The following CNTN5 variants were observed in gnomAD, a reference collection of about 807,000 sequenced individuals.
The protein encoded by CNTN5 is contactin-5.
Under a neutral mutation model 129.1 loss-of-function variants are expected in CNTN5, and 77 were observed. The observed-to-expected ratio is 0.60, with a 90% CI of 0.50 to 0.72. CNTN5 has a LOEUF of 0.72. Ranked by LOEUF, CNTN5 falls within the 30% of genes least tolerant of loss-of-function variation. The probability of loss-of-function intolerance (pLI) is 0.00; values close to 1 mark genes in which losing one functional copy is unlikely to be tolerated. For missense variants in CNTN5, 1,478 were observed against 1,328.8 expected (o/e 1.11, Z -1.75); for synonymous variants, 509 against 465.6 (o/e 1.09, Z -1.20).
At chr11:100,221,692 C>G (rs1949269281) in intron 15 of CNTN5, among the ~76,000 whole-genome samples, 1 of 152,044 alleles carries the variant, frequency 6.6e-6, no homozygotes, top group South Asian at 2.1e-4. Context: ...TAAGCTCCCA[C>G]TATGTGGCAG....
intron 1 of CNTN5, among the ~76,000 whole-genome samples, chr11:99,262,289 C>T (rs1367878782): frequency 2.6e-5 from 4 of 151,994 alleles, no homozygotes; most frequent in Admixed American, 2.6e-4. Flanking sequence ...ATGAATAAAA[C>T]AATCTATTTG....
chr11:99,976,483 G>C (rs552612254), intron 8 of CNTN5, among the ~76,000 whole-genome samples: 108 of 152,248 alleles, frequency 7.1e-4, no homozygotes, highest in African/African-American at 2.5e-3. Flanking sequence ...ACATCTGCTT[G>C]GACTTCCAGG....
intron 2 of CNTN5, among the ~76,000 whole-genome samples, chr11:99,387,582 C>G (rs955748648): frequency 2.6e-5 from 4 of 152,128 alleles, no homozygotes; most frequent in African/African-American, 4.8e-5. Flanking sequence ...AACCTGACAC[C>G]TAGTAATCAT....
At chr11:99,763,228 A>G (rs1944647289) in intron 3 of CNTN5, among the ~76,000 whole-genome samples, 1 of 152,166 alleles carries the variant, frequency 6.6e-6, no homozygotes, top group African/African-American at 2.4e-5. Flanking sequence ...TATAGAATAT[A>G]ATGATACACA....
At chr11:100,060,170 C>A (rs1943403922) in intron 9 of CNTN5, among the ~76,000 whole-genome samples, 1 of 150,152 alleles carries the variant, frequency 6.7e-6, no homozygotes, top group African/African-American at 2.5e-5. Flanking sequence ...CGTGCCACTG[C>A]ACTCGAGCCT....
Position 99,697,716 on chromosome 11 carries a change from C to CA in CNTN5, c.56-121825dup, listed in dbSNP as rs551604850. ...ATCAATATAGATTCACTAAGTTTTA[C>CA]AAATATACCTTAATATAAGGTATCG... On this transcript the variant is annotated intron_variant, in intron 3 of 24. Transcript: ENST00000524871. Among the ~76,000 whole-genome samples, 439 of 151,696 alleles carry CA rather than the reference C, an allele frequency of 2.9e-3. 1 individual carries two copies. The highest frequency in any genetic ancestry group is 0.024 in the Middle Eastern group (7 of 294).
intron 3 of CNTN5, among the ~76,000 whole-genome samples, chr11:99,786,869 A>T (rs1033904385): frequency 6.6e-6 from 1 of 152,200 alleles, no homozygotes; most frequent in African/African-American, 2.4e-5. Context: ...TGGATTAGAG[A>T]TTTAAACGTA....
intron 13 of CNTN5, among the ~76,000 whole-genome samples, chr11:100,181,810 G>A (rs544810004): frequency 9.2e-5 from 14 of 152,028 alleles, no homozygotes; most frequent in African/African-American, 3.4e-4. Flanking sequence ...TTAAAAAGAT[G>A]TCTAAGATCT....
At chr11:100,270,661 G>T (rs1950391949) in intron 17 of CNTN5, among the ~76,000 whole-genome samples, 1 of 152,194 alleles carries the variant, frequency 6.6e-6, no homozygotes, top group Admixed American at 6.5e-5. Context: ...AAATTAGAGA[G>T]ATATATTCTT....
In CNTN5 at chr11:99,304,378, A is replaced by G. The variant is rs559250361; in HGVS notation, c.-209-20968A>G. ...TAGTACACTTTGTGTAAGGAAAATA[A>G]TCTGATTAAAATCATTCACATATAA... On this transcript the variant is annotated intron_variant, in intron 1 of 24. Coordinates refer to ENST00000524871, the MANE Select transcript of CNTN5 (RefSeq NM_014361.4). 9.8e-5 allele frequency among the ~76,000 whole-genome samples: 15 copies of G among 152,304 alleles called. No homozygotes were observed. The South Asian group carries it at 2.3e-3, about 23-fold the overall frequency.
intron 6 of CNTN5, among the ~76,000 whole-genome samples, chr11:99,853,903 C>T (rs1359170557): frequency 6.6e-6 from 1 of 152,086 alleles, no homozygotes; most frequent in Non-Finnish European, 1.5e-5. Flanking sequence ...AGTAATAAAA[C>T]AGTAGCTCCA....
At chr11:99,058,274 T>A (rs79679525) in intron 1 of CNTN5, among the ~76,000 whole-genome samples, 4,941 of 151,974 alleles carry the variant, frequency 0.033, 359 homozygotes, top group East Asian at 0.25. Flanking sequence ...TGTTAGCTAT[T>A]AGGCAGCTAA....
intron 1 of CNTN5, among the ~76,000 whole-genome samples, chr11:99,061,938 G>C (rs1052381571): frequency 1.3e-5 from 2 of 151,666 alleles, no homozygotes; most frequent in African/African-American, 4.8e-5. Flanking sequence ...GTTACAGTGA[G>C]CTACGGTTGC....
chr11:100,351,999 A>C (rs764672107), intron 24 of CNTN5, among the ~76,000 whole-genome samples: 5 of 151,634 alleles, frequency 3.3e-5, no homozygotes, highest in Non-Finnish European at 5.9e-5. Context: ...AGCTACTGAC[A>C]TAATACTTGA....
rs146169613 is a variant in CNTN5 at position 99,468,865 on chromosome 11, A to G, written c.-70-87280A>G. 4.6e-4 allele frequency among the ~76,000 whole-genome samples: 70 copies of G among 151,556 alleles called. 1 individual carries two copies. Among genetic ancestry groups the G allele is most frequent in the African/African-American group, 1.6e-3 (67 of 41,340 alleles). On this transcript the variant is annotated intron_variant, in intron 2 of 24. Transcript: ENST00000524871. ...TTCTCCTGTCTCAGGAAACTTTTTC[A>G]TATAAATGCTTTCTACTAGTTTTAG...
chr11:99,389,983 A>G (rs1351365787), intron 2 of CNTN5, among the ~76,000 whole-genome samples: 2 of 152,192 alleles, frequency 1.3e-5, no homozygotes, highest in African/African-American at 2.4e-5. Context: ...CCAGTCCTCA[A>G]TATGAGAATC....
chr11:99,485,706 CA>C lies in CNTN5; in HGVS notation c.-70-70431del, dbSNP rs200240751. On this transcript the variant is annotated intron_variant, in intron 2 of 24. Coordinates refer to ENST00000524871, the MANE Select transcript of CNTN5 (RefSeq NM_014361.4). ...ATTTAAACTTGAAAATGCAAACAGA[CA>C]AAAAAAACCCCTGAATTTCTGTCTT... Among the ~76,000 whole-genome samples, 108 of 151,658 alleles carry C rather than the reference CA, an allele frequency of 7.1e-4. 1 individual carries two copies. Among genetic ancestry groups the C allele is most frequent in the African/African-American group, 2.3e-3 (95 of 41,410 alleles).
At chr11:100,038,611 T>C (rs1170024945) in intron 9 of CNTN5, among the ~76,000 whole-genome samples, 1 of 152,104 alleles carries the variant, frequency 6.6e-6, no homozygotes, top group Admixed American at 6.5e-5. Flanking sequence ...CTAAGTCTCT[T>C]TGTAGGTCAC....
At chr11:100,298,496 G>GA (rs1255754423) in intron 19 of CNTN5, among the ~76,000 whole-genome samples, 8 of 150,818 alleles carry the variant, frequency 5.3e-5, no homozygotes, top group African/African-American at 1.5e-4. Flanking sequence ...AAAATTCAAG[G>GA]AAAAAAACTA....
Sources: allele counts gnomAD v4.1 joint callset (sites outside exome capture counted in the v4.1 genomes callset), GRCh38; gene constraint gnomAD v4.1.1; transcripts MANE v1.5; gene names NCBI Gene and HGNC (gene_info 2026-07-23, HGNC 2026-07-21).